DLG2: variants seen among roughly 807,000 people sequenced by gnomAD.
DLG2 encodes the protein disks large homolog 2.
DLG2 carries 45 observed loss-of-function variants against 132.5 expected under a neutral mutation model. The observed-to-expected ratio is 0.34, with a 90% CI of 0.27 to 0.44. The LOEUF (loss-of-function observed/expected upper bound fraction) is 0.44, where lower values mean the gene tolerates loss of function less well. DLG2 is among the 20% of genes least tolerant of loss of function. The pLI is 1.00. For synonymous variants in DLG2, 424 were observed against 419.6 expected (o/e 1.01, Z -0.13); for missense variants, 1,045 against 1,196.9 (o/e 0.87, Z 1.87).
chr11:83,560,174 G>A (rs1413737685), intron 19 of DLG2, among the ~76,000 whole-genome samples: 1 of 151,782 alleles, frequency 6.6e-6, no homozygotes, highest in African/African-American at 2.4e-5. Context: ...CTGGAGAGCA[G>A]TGGCAGGATC....
At chr11:84,727,197 A>G (rs2062585473) in intron 6 of DLG2, among the ~76,000 whole-genome samples, 1 of 152,182 alleles carries the variant, frequency 6.6e-6, no homozygotes, top group Admixed American at 6.5e-5. Flanking sequence ...GGTATTGCCC[A>G]GGTTTTCTTC....
chr11:84,392,175 T>C (rs1456156003), intron 7 of DLG2, among the ~76,000 whole-genome samples: 1 of 152,180 alleles, frequency 6.6e-6, no homozygotes, highest in Non-Finnish European at 1.5e-5. Context: ...CCTGTTCTTT[T>C]GCTCCCATTG....
At chr11:84,293,946 A>G (rs950547192) in intron 7 of DLG2, among the ~76,000 whole-genome samples, 4 of 152,210 alleles carry the variant, frequency 2.6e-5, no homozygotes, top group Non-Finnish European at 4.4e-5. Flanking sequence ...CCTCCTGTCT[A>G]ACGCCATCTT....
At chr11:84,124,847 C>CTTTTTT (rs34177526) in intron 9 of DLG2, among the ~76,000 whole-genome samples, 2 of 121,228 alleles carry the variant, frequency 1.6e-5, no homozygotes, top group South Asian at 2.6e-4. Context: ...CTTGTTTTCA[C>CTTTTTT]TTTTTTTTTT....
chr11:83,548,668 T>C (rs1398166336), intron 19 of DLG2, among the ~76,000 whole-genome samples: 4 of 152,146 alleles, frequency 2.6e-5, no homozygotes, highest in Non-Finnish European at 5.9e-5. Flanking sequence ...CAGTTTGAGA[T>C]ATAGGTATGA....
intron 4 of DLG2, among the ~76,000 whole-genome samples, chr11:85,243,122 T>C (rs1394343713): frequency 6.6e-6 from 1 of 151,954 alleles, no homozygotes; most frequent in Non-Finnish European, 1.5e-5. Context: ...GCTGCAGCCA[T>C]CCCCCTACCA....
chr11:85,470,458 C>T (rs547603608), intron 3 of DLG2, among the ~76,000 whole-genome samples: 4 of 152,290 alleles, frequency 2.6e-5, no homozygotes, highest in South Asian at 4.1e-4. Context: ...TATTGTGGCT[C>T]ATGCCTGTAA....
At chr11:84,471,621 G>A (rs1307347795) in intron 7 of DLG2, among the ~76,000 whole-genome samples, 3 of 151,738 alleles carry the variant, frequency 2.0e-5, no homozygotes, top group Non-Finnish European at 4.4e-5. Context: ...GGAGGAAAGG[G>A]AAGGGGTGAA....
At chr11:84,276,677 A>C (rs1484135411) in intron 7 of DLG2, among the ~76,000 whole-genome samples, 1 of 152,204 alleles carries the variant, frequency 6.6e-6, no homozygotes, top group Non-Finnish European at 1.5e-5. Context: ...ACTAGGCTAC[A>C]TGTCTATCAC....
chr11:84,427,832 T>G (rs757333480), intron 7 of DLG2, among the ~76,000 whole-genome samples: 44 of 152,180 alleles, frequency 2.9e-4, no homozygotes, highest in Non-Finnish European at 5.9e-5. Flanking sequence ...CCTCTAACAG[T>G]ACTTGTTTTG....
chr11:85,275,127 C>G (rs1484900313), intron 4 of DLG2, among the ~76,000 whole-genome samples: 1 of 152,078 alleles, frequency 6.6e-6, no homozygotes, highest in Admixed American at 6.6e-5. Flanking sequence ...TTCAGTGAAA[C>G]TTCAGAGGGC....
At chr11:84,124,780 T>C (rs76450222) in intron 9 of DLG2, among the ~76,000 whole-genome samples, 1,788 of 152,088 alleles carry the variant, frequency 0.012, 27 homozygotes, top group African/African-American at 0.034. Flanking sequence ...GGCACTTAAA[T>C]AGTGCCAACA....
chr11:84,195,250 G>A (rs992931108), intron 8 of DLG2, among the ~76,000 whole-genome samples: 17 of 152,278 alleles, frequency 1.1e-4, no homozygotes, highest in African/African-American at 1.9e-4. Flanking sequence ...TGCAATTGCC[G>A]CCTCCCAGGT....
At chr11:83,868,801 T>TC (rs1005033989) in intron 16 of DLG2, among the ~76,000 whole-genome samples, 2 of 152,142 alleles carry the variant, frequency 1.3e-5, no homozygotes, top group African/African-American at 4.8e-5. Context: ...CTCCTCCCTG[T>TC]CCCCAACACT....
At position 84,934,546 on chromosome 11, in the gene DLG2, T is replaced by TTTTTTG. The variant is rs1183459468; in HGVS notation, c.357+177114_357+177115insCAAAAA. Among the ~76,000 whole-genome samples, 39 of 128,708 alleles carry TTTTTTG rather than the reference T, an allele frequency of 3.0e-4. 3 individuals carry two copies. The highest frequency in any genetic ancestry group is 8.0e-4 in the East Asian group (3 of 3,732). The allele number at this position is 128,708 out of a possible 152,430, so 84.4% of individuals were successfully genotyped here. A position where few individuals can be genotyped will look rare whatever the true frequency, so the allele number is the denominator to read the frequency against. On this transcript the variant is annotated intron_variant, in intron 6 of 27. Transcript: ENST00000376104. The stretch of plus-strand genomic sequence containing the variant: ...TTTTGTTTTTTTTTTTTTTTTTTTT[T>TTTTTTG]GGTGGGTAGGCTATTTATTACTGTC...
In DLG2 at chr11:84,722,553, T is replaced by G. The variant is rs141802838; in HGVS notation, c.358-187822A>C. Among the ~76,000 whole-genome samples the G allele has an allele frequency of 1.8e-4, 28 of 152,322 alleles. No homozygotes were observed. In the East Asian group the frequency reaches 4.1e-3, roughly 22 times the overall value. ...AACCTGATTATGTCATAATTCTCTA[T>G]GATGCTTATTATAAATATGGATTAT... On this transcript the variant is annotated intron_variant, in intron 6 of 27. Transcript: ENST00000376104.
intron 7 of DLG2, among the ~76,000 whole-genome samples, chr11:84,333,675 A>C (rs1419048569): frequency 6.6e-6 from 1 of 152,164 alleles, no homozygotes; most frequent in Admixed American, 6.5e-5. Flanking sequence ...TCTCTGGCCA[A>C]AAAAAAGACA....
At chr11:84,005,600 C>G (rs926459918) in intron 11 of DLG2, among the ~76,000 whole-genome samples, 1 of 151,452 alleles carries the variant, frequency 6.6e-6, no homozygotes, top group Non-Finnish European at 1.5e-5. Flanking sequence ...ATCTGACAAG[C>G]GACTAATATC....
At chr11:84,304,291 C>A (rs1218608511) in intron 7 of DLG2, among the ~76,000 whole-genome samples, 2 of 152,220 alleles carry the variant, frequency 1.3e-5, no homozygotes, top group African/African-American at 4.8e-5. Flanking sequence ...GAATCTCACA[C>A]TCTCTAATCA....
Sources: allele counts gnomAD v4.1 joint callset (sites outside exome capture counted in the v4.1 genomes callset), GRCh38; gene constraint gnomAD v4.1.1; transcripts MANE v1.5; gene names NCBI Gene and HGNC (gene_info 2026-07-23, HGNC 2026-07-21).